The following PHF14 variants were observed in gnomAD, a reference collection of about 807,000 sequenced individuals.
PHF14 encodes PHD finger protein 14.
PHF14 carries 55 observed loss-of-function variants against 117.9 expected under a neutral mutation model. The observed-to-expected ratio is 0.47, with a 90% CI of 0.38 to 0.58. PHF14 has a LOEUF of 0.58. PHF14 is among the 20% of genes least tolerant of loss of function. The pLI is 0.00. For synonymous variants in PHF14, 409 were observed against 368.6 expected, an observed-to-expected ratio of 1.11 and a Z score of -1.26; for missense variants, 978 against 1,122.2, an observed-to-expected ratio of 0.87 and a Z score of 1.84.
intron 2 of PHF14, among the ~76,000 whole-genome samples, chr7:10,981,493 C>A (rs1782042518): frequency 6.6e-6 from 1 of 152,172 alleles, no homozygotes. Flanking sequence ...TTGAGAGGGA[C>A]TGGGCTGCCC....
chr7:11,168,218 A>G (rs757460259), intron 17 of PHF14, among the ~76,000 whole-genome samples: 17 of 152,186 alleles, frequency 1.1e-4, no homozygotes, highest in Non-Finnish European at 2.5e-4. Context: ...TGATATTCAA[A>G]ACCCCATTCC....
In PHF14 at chr7:10,974,257, C is replaced by G; in HGVS notation, c.-67C>G. On this transcript the variant is annotated 5_prime_UTR_variant, in exon 1 of 18. Coordinates refer to ENST00000634607, the MANE Select transcript of PHF14 (RefSeq NM_001007157.2). ...TCTTCGCGGCCCCAGTCCCCGACCT[C>G]GGCGCTGCCTGGGCTCCTGCAGCCT... is the stretch of plus-strand genomic sequence containing the variant. 1 of 1,448,394 alleles carries G rather than the reference C, an allele frequency of 6.9e-7. No homozygotes were observed. The highest frequency in any genetic ancestry group is 9.5e-7 in the Non-Finnish European group (1 of 1,051,178). The allele number at this position is 1,448,394 out of a possible 1,614,324, so 89.7% of individuals were successfully genotyped here. A position where few individuals can be genotyped will look rare whatever the true frequency, so the allele number is the denominator to read the frequency against.
intron 16 of PHF14, chr7:11,109,855 T>C (rs1459403806): frequency 6.6e-6 from 1 of 151,960 alleles, no homozygotes; most frequent in African/African-American, 2.4e-5. Context: ...AGAACTGTCA[T>C]AGTAAGCATT....
intron 4 of PHF14, among the ~76,000 whole-genome samples, chr7:11,009,026 ACT>A (rs1783241765): frequency 4.5e-5 from 6 of 134,236 alleles, no homozygotes; most frequent in Non-Finnish European, 9.6e-5. Context: ...ACAGAGTGAG[ACT>A]CTGTCTCAAA....
At chr7:11,117,771 A>ATC (rs1314438619) in intron 17 of PHF14, among the ~76,000 whole-genome samples, 1 of 151,772 alleles carries the variant, frequency 6.6e-6, no homozygotes, top group Non-Finnish European at 1.5e-5. Context: ...TTGGAAATTG[A>ATC]ATGTCTGAAT....
chr7:11,040,005 C>A (rs1205332512), intron 11 of PHF14, among the ~76,000 whole-genome samples: 1 of 152,118 alleles, frequency 6.6e-6, no homozygotes, highest in African/African-American at 2.4e-5. Context: ...AAAATACTAT[C>A]TACCATAAAA....
At chr7:11,113,340 G>A (rs1787503762) in intron 17 of PHF14, among the ~76,000 whole-genome samples, 2 of 152,154 alleles carry the variant, frequency 1.3e-5, no homozygotes, top group South Asian at 4.1e-4. Context: ...CATTGGATAA[G>A]GTTTTAGTTT....
chr7:11,155,636 A>G (rs542209603), intron 17 of PHF14, among the ~76,000 whole-genome samples: 3 of 152,182 alleles, frequency 2.0e-5, no homozygotes, highest in African/African-American at 4.8e-5. Flanking sequence ...TAAAAGTCAC[A>G]TAGCACTATG....
intron 16 of PHF14, chr7:11,062,759 C>T (rs1785272593): frequency 1.0e-6 from 1 of 984,976 alleles, no homozygotes; most frequent in South Asian, 4.7e-5. Flanking sequence ...GAAATGAAGA[C>T]ATTGATCAAA....
rs983157513 is a variant in PHF14 at position 11,138,936 on chromosome 7, AGAT to A, written c.2772+27473_2772+27475del. ...TTTTCCTATGTTGGTAGCTTGGGGAAGATGATATTTCTAAAACAAATATTTTCT... is the reference window on the plus strand; with the variant it reads ...TTTTCCTATGTTGGTAGCTTGGGGAAGATATTTCTAAAACAAATATTTTCT... On this transcript the variant is annotated intron_variant, in intron 17 of 17. Transcript: ENST00000634607. Among the ~76,000 whole-genome samples, 24 of 152,304 alleles carry A rather than the reference AGAT, an allele frequency of 1.6e-4. 1 individual carries two copies. Among genetic ancestry groups the A allele is most frequent in the African/African-American group, 5.1e-4 (21 of 41,566 alleles).
chr7:11,021,623 C>T (rs1388047162), intron 5 of PHF14, among the ~76,000 whole-genome samples: 2 of 151,908 alleles, frequency 1.3e-5, no homozygotes, highest in Non-Finnish European at 2.9e-5. Context: ...CAGAGTATAG[C>T]GACATTTAAT....
chr7:11,103,197 TA>T, intron 16 of PHF14: 1 of 965,436 alleles, frequency 1.0e-6, no homozygotes, highest in South Asian at 4.8e-5. Flanking sequence ...GCATTAATAT[TA>T]TTAGCATGAA....
At position 10,978,622 on chromosome 7, in the gene PHF14, G is replaced by A. The variant is rs1381072842; in HGVS notation, c.112+3677G>A. ...TGGTTTCTCAACCTTGGCGCTATTG[G>A]CATTTTGTGTTGGATAATTTTTTGT... On this transcript the variant is annotated intron_variant, in intron 2 of 17. Transcript: ENST00000634607. Among the ~76,000 whole-genome samples, 5 of 152,242 alleles carry A rather than the reference G, an allele frequency of 3.3e-5. No homozygotes were observed. The Middle Eastern group carries it at 0.01, about 311-fold the overall frequency.
intron 17 of PHF14, among the ~76,000 whole-genome samples, chr7:11,112,923 A>C (rs1441347234): frequency 6.6e-6 from 1 of 152,120 alleles, no homozygotes; most frequent in African/African-American, 2.4e-5. Context: ...CCTAGATTTA[A>C]GAGAGAACAT....
intron 4 of PHF14, among the ~76,000 whole-genome samples, 196 bp downstream of exon 4, chr7:10,991,043 T>A (rs1366323677): frequency 6.6e-6 from 1 of 152,154 alleles, no homozygotes; most frequent in Non-Finnish European, 1.5e-5. Context: ...CAGGCTGGAG[T>A]GCAGTGGCAC....
intron 17 of PHF14, among the ~76,000 whole-genome samples, chr7:11,156,919 A>G (rs1788876391): frequency 6.6e-6 from 1 of 152,238 alleles, no homozygotes; most frequent in South Asian, 2.1e-4. Context: ...TATTTGTTTT[A>G]AAGATTCACA....
chr7:11,009,162 C>A (rs77492939), intron 4 of PHF14, among the ~76,000 whole-genome samples: 11,288 of 151,514 alleles, frequency 0.075, 459 homozygotes, highest in African/African-American at 0.099. Flanking sequence ...TTTATATATA[C>A]CGAAATATAA....
intron 16 of PHF14, among the ~76,000 whole-genome samples, chr7:11,066,982 G>T (rs1785443146): frequency 6.6e-6 from 1 of 152,114 alleles, no homozygotes; most frequent in African/African-American, 2.4e-5. Context: ...TAAATTCAAA[G>T]TTAAAAACTT....
At chr7:11,053,776 A>AT (rs940165986) in intron 14 of PHF14, among the ~76,000 whole-genome samples, 10 of 151,930 alleles carry the variant, frequency 6.6e-5, no homozygotes, top group Non-Finnish European at 1.2e-4. Context: ...GGATCCTTCT[A>AT]TTTTTTTCTC....
Sources: allele counts gnomAD v4.1 joint callset (sites outside exome capture counted in the v4.1 genomes callset), GRCh38; gene constraint gnomAD v4.1.1; transcripts MANE v1.5; gene names NCBI Gene and HGNC (gene_info 2026-07-23, HGNC 2026-07-21).